The following MCF2 variants were observed in gnomAD, a reference collection of about 807,000 sequenced individuals.
MCF2 encodes the protein MCF.2 cell line derived transforming sequence, also known as proto-oncogene DBL.
Under a neutral mutation model 82.5 loss-of-function variants are expected in MCF2, and 44 were observed. The observed-to-expected ratio is 0.53, with a 90% CI of 0.42 to 0.69. MCF2 has a LOEUF of 0.69. Among genes scored for constraint, MCF2 ranks in the 30% least tolerant of loss-of-function variants. The pLI is 0.00. For missense variants in MCF2, 623 were observed against 663.1 expected (o/e 0.94, Z 0.66); for synonymous variants, 217 against 224.9 (o/e 0.96, Z 0.32).
intron 1 of MCF2, among the ~76,000 whole-genome samples, chrX:139,653,278 G>A (rs1226516940): frequency 5.0e-4 from 56 of 112,098 alleles, no homozygotes; most frequent in Non-Finnish European, 1.3e-4. Context: ...CTCCCCTGAG[G>A]AGCCTGCAAA....
chrX:139,705,181 C>T (rs759841842), intron 1 of MCF2, among the ~76,000 whole-genome samples: 22 of 111,492 alleles, frequency 2.0e-4, no homozygotes, highest in South Asian at 7.7e-4. Flanking sequence ...GGCGTGGTGG[C>T]GGGCACCTGT....
chrX:139,698,526 G>C (rs1257176852), intron 1 of MCF2, among the ~76,000 whole-genome samples: 1 of 111,931 alleles, frequency 8.9e-6, no homozygotes, highest in Non-Finnish European at 1.9e-5. Context: ...TGGGACTGAA[G>C]ACTGCCATCT....
At chrX:139,704,317 G>A (rs1450187714) in intron 1 of MCF2, among the ~76,000 whole-genome samples, 1 of 112,284 alleles carries the variant, frequency 8.9e-6, no homozygotes, top group African/African-American at 3.2e-5. Context: ...TCTTTTCCTT[G>A]ATGATATGAA....
intron 6 of MCF2, among the ~76,000 whole-genome samples, chrX:139,624,859 C>G (rs982141789): frequency 9.0e-6 from 1 of 110,771 alleles, no homozygotes; most frequent in African/African-American, 3.3e-5. Flanking sequence ...AAAGGGCCAT[C>G]ATGTGTGCAA....
chrX:139,692,094 G>A, intron 1 of MCF2: 3 of 1,163,588 alleles, frequency 2.6e-6, no homozygotes, highest in Non-Finnish European at 3.4e-6. Flanking sequence ...GGACACTGAG[G>A]TCCACGGCGC....
chrX:139,609,238 C>T lies in MCF2; in HGVS notation c.1401+1063G>A, dbSNP rs749131215. 1.2e-3 allele frequency among the ~76,000 whole-genome samples: 133 copies of T among 112,360 alleles called. 1 individual carries two copies. The highest frequency in any genetic ancestry group is 2.3e-3 in the Non-Finnish European group (123 of 53,240). ...TCATCTTTATTTACCACAAAAAACA[C>T]AAGAAGAAAATGTGGGGTCTTGGGG... On this transcript the variant is annotated intron_variant, in intron 11 of 24. Transcript: ENST00000370576.
chrX:139,591,825 CAAACCT>C (rs1419807707), intron 19 of MCF2, among the ~76,000 whole-genome samples: 1 of 108,771 alleles, frequency 9.2e-6, no homozygotes, highest in Non-Finnish European at 1.9e-5. Flanking sequence ...ATTTGTGCCC[CAAACCT>C]AAACATCATG....
exon 15 of MCF2, chrX:139,604,702 C>A: frequency 1.7e-6 from 2 of 1,193,006 alleles, no homozygotes; most frequent in East Asian, 6.0e-5. Context: ...AACAAGGTCC[C>A]ACTCTTTCTG....
chrX:139,673,982 T>C (rs1934786576), intron 1 of MCF2, among the ~76,000 whole-genome samples: 1 of 111,692 alleles, frequency 9.0e-6, no homozygotes, highest in Admixed American at 9.5e-5. Flanking sequence ...AGGACTTGCT[T>C]TATGAATCTG....
At chrX:139,677,483 G>A (rs761686120) in intron 1 of MCF2, among the ~76,000 whole-genome samples, 1 of 112,130 alleles carries the variant, frequency 8.9e-6, no homozygotes, top group Non-Finnish European at 1.9e-5. Flanking sequence ...TTTCTTCTGA[G>A]GAGGCAAGAA....
intron 13 of MCF2, among the ~76,000 whole-genome samples, 190 bp from the exon 18 acceptor site, chrX:139,605,174 T>C (rs1480031224): frequency 1.0e-5 from 1 of 97,209 alleles, no homozygotes; most frequent in Non-Finnish European, 2.1e-5. Flanking sequence ...TTTTTTTTTT[T>C]AGAAGGCAGG....
intron 18 of MCF2, among the ~76,000 whole-genome samples, chrX:139,597,190 G>A (rs752645557): frequency 1.8e-5 from 2 of 111,184 alleles, no homozygotes; most frequent in East Asian, 2.9e-4. Flanking sequence ...GGAGCAATAC[G>A]TTTTCTTAGC....
At chrX:139,694,511 A>G (rs1935342610) in intron 1 of MCF2, among the ~76,000 whole-genome samples, 1 of 111,352 alleles carries the variant, frequency 9.0e-6, no homozygotes, top group African/African-American at 3.3e-5. Flanking sequence ...AGACTTATAG[A>G]TCAATAGAAT....
At chrX:139,592,258 T>A (rs574772233) in intron 19 of MCF2, among the ~76,000 whole-genome samples, 47 of 111,549 alleles carry the variant, frequency 4.2e-4, no homozygotes, top group African/African-American at 1.3e-3. Context: ...TTTTTGTAGC[T>A]AGTAAGTCAT....
intron 8 of MCF2, 90 bp downstream of exon 11, chrX:139,617,423 G>T: frequency 1.6e-6 from 1 of 629,211 alleles, no homozygotes. Flanking sequence ...AGTATTCCAT[G>T]CGACAGGAGG....
chrX:139,603,541 G>T (rs1461871725), intron 15 of MCF2, among the ~76,000 whole-genome samples: 1 of 112,545 alleles, frequency 8.9e-6, no homozygotes, highest in Non-Finnish European at 1.9e-5. Context: ...TATGCTTAAA[G>T]TTAGAACATC....
intron 1 of MCF2, among the ~76,000 whole-genome samples, chrX:139,634,744 A>T (rs1449619441): frequency 9.0e-6 from 1 of 111,237 alleles, no homozygotes; most frequent in African/African-American, 3.3e-5. Flanking sequence ...CCAAATGAGA[A>T]CTCTTATTTT....
chrX:139,674,139 C>T (rs1285426592), intron 1 of MCF2, among the ~76,000 whole-genome samples: 3 of 103,653 alleles, frequency 2.9e-5, no homozygotes, highest in African/African-American at 1.3e-4. Context: ...GGATTGCAAC[C>T]CCTGCTTTTT....
intron 1 of MCF2, among the ~76,000 whole-genome samples, chrX:139,673,989 T>C (rs1934786696): frequency 8.9e-6 from 1 of 111,758 alleles, no homozygotes; most frequent in South Asian, 3.8e-4. Context: ...GCTTTATGAA[T>C]CTGGGTGTTC....
Sources: gnomAD v4.1 joint callset for allele counts (sites outside exome capture counted in the v4.1 genomes callset) on GRCh38, gnomAD v4.1.1 for gene constraint, MANE v1.5 for transcripts, NCBI Gene and HGNC (gene_info 2026-07-23, HGNC 2026-07-21) for gene names.